ZFHX3: variants seen among roughly 807,000 people sequenced by gnomAD.
ZFHX3 encodes zinc finger homeobox 3.
Under a neutral mutation model 279.1 loss-of-function variants are expected in ZFHX3, and 42 were observed. The observed-to-expected ratio is 0.15, with a 90% CI of 0.12 to 0.19. The LOEUF is 0.19. Among genes scored for constraint, ZFHX3 ranks in the 10% least tolerant of loss-of-function variants. The probability of loss-of-function intolerance (pLI) is 1.00; values close to 1 mark genes in which losing one functional copy is unlikely to be tolerated. For missense variants in ZFHX3, 4,981 were observed against 4,754.0 expected (o/e 1.05, Z -1.40); for synonymous variants, 2,293 against 1,957.8 (o/e 1.17, Z -4.52).
At chr16:73,053,679 C>T (rs987806166) in intron 1 of ZFHX3, among the ~76,000 whole-genome samples, 9 of 152,104 alleles carry the variant, frequency 5.9e-5, no homozygotes, top group African/African-American at 2.2e-4. Flanking sequence ...CGGGCAAACC[C>T]TAGGACGAGG....
At chr16:73,611,349 A>T (rs1279053879) in intron 2 of ZFHX3, among the ~76,000 whole-genome samples, 3 of 152,194 alleles carry the variant, frequency 2.0e-5, no homozygotes, top group Non-Finnish European at 4.4e-5. Context: ...TGTGAATTAA[A>T]AAATGCTTTT....
At chr16:73,459,563 T>C (rs1341256530) in intron 2 of ZFHX3, among the ~76,000 whole-genome samples, 2 of 152,272 alleles carry the variant, frequency 1.3e-5, no homozygotes, top group South Asian at 2.1e-4. Context: ...AGATGGGGTT[T>C]CACCATGTTG....
At chr16:73,195,770 A>G (rs974276463) in intron 5 of ZFHX3, among the ~76,000 whole-genome samples, 3 of 152,088 alleles carry the variant, frequency 2.0e-5, no homozygotes, top group Admixed American at 6.5e-5. Context: ...AAAAAATAGG[A>G]CAGGTAAAGG....
intron 3 of ZFHX3, among the ~76,000 whole-genome samples, chr16:73,433,824 C>T (rs1168930768): frequency 5.3e-5 from 8 of 152,156 alleles, no homozygotes; most frequent in Non-Finnish European, 8.8e-5. Flanking sequence ...CTGGGTGAGC[C>T]GTGGCTTCCC....
intron 2 of ZFHX3, among the ~76,000 whole-genome samples, chr16:73,473,371 A>AAAAAAAAAAAAAAAAC (rs2018709703): frequency 1.3e-5 from 2 of 150,610 alleles, no homozygotes; most frequent in African/African-American, 5.0e-5. Flanking sequence ...AAAAAAAAAA[A>AAAAAAAAAAAAAAAAC]ACAAAATAAT....
intron 2 of ZFHX3, among the ~76,000 whole-genome samples, chr16:72,952,677 G>A (rs1007704757): frequency 2.6e-5 from 4 of 152,212 alleles, no homozygotes; most frequent in South Asian, 2.1e-4. Flanking sequence ...AGGGCCGGGC[G>A]AAGATCTCTT....
chr16:73,774,323 G>A (rs529073840), intron 1 of ZFHX3, among the ~76,000 whole-genome samples: 2 of 152,154 alleles, frequency 1.3e-5, no homozygotes, highest in Non-Finnish European at 2.9e-5. Flanking sequence ...GGTAGTTGGT[G>A]AATGAATGAA....
chr16:73,559,212 T>A (rs114973876), intron 2 of ZFHX3, among the ~76,000 whole-genome samples: 1 of 152,218 alleles, frequency 6.6e-6, no homozygotes, highest in African/African-American at 2.4e-5. Context: ...CATGCCCAGC[T>A]GATTTTTTTT....
At chr16:73,731,399 T>C (rs2053568587) in intron 1 of ZFHX3, among the ~76,000 whole-genome samples, 1 of 151,622 alleles carries the variant, frequency 6.6e-6, no homozygotes, top group African/African-American at 2.4e-5. Flanking sequence ...GGCGTGGAGG[T>C]AGGACAGAAA....
At chr16:72,989,618 T>C (rs1962997825) in intron 1 of ZFHX3, among the ~76,000 whole-genome samples, 1 of 152,032 alleles carries the variant, frequency 6.6e-6, no homozygotes, top group Admixed American at 6.6e-5. Flanking sequence ...GACAAAAACA[T>C]ACCACATACT....
intron 5 of ZFHX3, among the ~76,000 whole-genome samples, chr16:73,229,551 G>C (rs1333647766): frequency 1.3e-5 from 2 of 152,008 alleles, no homozygotes; most frequent in African/African-American, 4.8e-5. Context: ...CTTGAACTGG[G>C]TCCCTTTCAT....
intron 5 of ZFHX3, among the ~76,000 whole-genome samples, chr16:73,188,634 A>G (rs1967965571): frequency 6.6e-6 from 1 of 152,178 alleles, no homozygotes; most frequent in African/African-American, 2.4e-5. Flanking sequence ...TTGGTCCTGC[A>G]TGTTGTAGAA....
At chr16:72,963,887 A>T (rs1169018179) in intron 1 of ZFHX3, among the ~76,000 whole-genome samples, 1 of 152,222 alleles carries the variant, frequency 6.6e-6, no homozygotes, top group East Asian at 1.9e-4. Context: ...TAAATTGTTA[A>T]TTAGCACAGG....
rs1465466541 is a variant in ZFHX3 at position 72,799,757 on chromosome 16, C to CTAAT, written c.3967+266_3967+269dup. On this transcript the variant is annotated intron_variant, in intron 8 of 9. Coordinates refer to ENST00000268489, the MANE Select transcript of ZFHX3 (RefSeq NM_006885.4). Reference sequence around the variant, plus strand: ...GACTGAGTCTCTGGTTATTCACTCCCTAATTGTATAGTTTAAGAAGATGTG... The same window carrying CTAAT: ...GACTGAGTCTCTGGTTATTCACTCCCTAATTAATTGTATAGTTTAAGAAGATGTG... Among the ~76,000 whole-genome samples, 6 of 152,290 alleles carry CTAAT rather than the reference C, an allele frequency of 3.9e-5. No individual in the cohort carries two copies. In the East Asian group the frequency reaches 1.2e-3, roughly 29 times the overall value.
At chr16:73,360,947 G>A (rs2143312075) in intron 3 of ZFHX3, among the ~76,000 whole-genome samples, 1 of 152,240 alleles carries the variant, frequency 6.6e-6, no homozygotes, top group South Asian at 2.1e-4. Flanking sequence ...CCTCCACACT[G>A]GATGATGGAG....
At chr16:73,452,745 A>C (rs2018298571) in intron 3 of ZFHX3, among the ~76,000 whole-genome samples, 1 of 152,218 alleles carries the variant, frequency 6.6e-6, no homozygotes, top group South Asian at 2.1e-4. Context: ...CTAAAGTTTC[A>C]AGGTAGAACA....
At chr16:72,809,100 T>C (rs529771899) in intron 7 of ZFHX3, among the ~76,000 whole-genome samples, 2 of 152,350 alleles carry the variant, frequency 1.3e-5, no homozygotes, top group African/African-American at 4.8e-5. Context: ...ACTTGAAATT[T>C]ACCTTGCTAT....
chr16:73,440,010 C>T (rs1174743727), intron 3 of ZFHX3, among the ~76,000 whole-genome samples: 4 of 147,952 alleles, frequency 2.7e-5, no homozygotes, highest in Non-Finnish European at 5.9e-5. Context: ...GATGGAGGAA[C>T]ACGCATGGCT....
rs369069602 is a variant in ZFHX3 at position 72,787,038 on chromosome 16, TC to T, written c.*125del. ...AACAACCCACGCTTTTTCTTTTTTT[TC>T]TTTTTTTTTTTTTTTTTGTTTTTTG... On this transcript the variant is annotated 3_prime_UTR_variant, in exon 10 of 10. Transcript: ENST00000268489. 3.7e-4 allele frequency: 390 copies of T among 1,057,304 alleles called. No individual in the cohort carries two copies. The highest frequency in any genetic ancestry group is 1.8e-3 in the Middle Eastern group (5 of 2,806). 65.5% of individuals were successfully genotyped at this position (1,057,304 alleles called of 1,614,324 possible).
Sources: allele counts gnomAD v4.1 joint callset (sites outside exome capture counted in the v4.1 genomes callset), GRCh38; gene constraint gnomAD v4.1.1; transcripts MANE v1.5; gene names NCBI Gene and HGNC (gene_info 2026-07-23, HGNC 2026-07-21).